The following GFRA1 variants were observed in gnomAD, a reference collection of about 807,000 sequenced individuals.
The protein encoded by GFRA1 is GDNF family receptor alpha-1.
Under a neutral mutation model 51.6 loss-of-function variants are expected in GFRA1, and 16 were observed. The observed-to-expected ratio is 0.31, with a 90% CI of 0.21 to 0.47. The LOEUF (loss-of-function observed/expected upper bound fraction) is 0.47. GFRA1 is among the 20% of genes least tolerant of loss of function. GFRA1 has a pLI of 1.00. For synonymous variants in GFRA1, 270 were observed against 241.3 expected, an observed-to-expected ratio of 1.12 and a Z score of -1.10; for missense variants, 530 against 594.3, an observed-to-expected ratio of 0.89 and a Z score of 1.13.
intron 5 of GFRA1, among the ~76,000 whole-genome samples, chr10:116,195,250 C>A (rs1963632709): frequency 6.6e-6 from 1 of 152,132 alleles, no homozygotes; most frequent in Non-Finnish European, 1.5e-5. Context: ...TTAGCACTAT[C>A]TTTTTTGTTA....
At chr10:116,064,634 C>T in intron 10 of GFRA1, 90 bp from the exon 11 acceptor site, 1 of 1,203,056 alleles carries the variant, frequency 8.3e-7, no homozygotes, top group East Asian at 2.3e-5. Flanking sequence ...CGACTCCCCA[C>T]TGGCTGACCC....
intron 5 of GFRA1, among the ~76,000 whole-genome samples, chr10:116,177,449 T>C (rs959527161): frequency 6.6e-6 from 1 of 151,736 alleles, no homozygotes; most frequent in Non-Finnish European, 1.5e-5. Context: ...GGCCTTGGGG[T>C]TAGGGGTGCT....
chr10:116,262,329 G>A (rs1008869814), intron 4 of GFRA1, among the ~76,000 whole-genome samples: 1 of 152,150 alleles, frequency 6.6e-6, no homozygotes, highest in African/African-American at 2.4e-5. Context: ...TTTGCCACAA[G>A]TGTACAGATA....
At chr10:116,195,864 C>T (rs918939645) in intron 5 of GFRA1, among the ~76,000 whole-genome samples, 1 of 152,130 alleles carries the variant, frequency 6.6e-6, no homozygotes, top group Non-Finnish European at 1.5e-5. Flanking sequence ...ACTCTGTCCC[C>T]GTTTGATTTG....
chr10:116,263,008 G>A (rs961793946), intron 4 of GFRA1, among the ~76,000 whole-genome samples: 1 of 150,716 alleles, frequency 6.6e-6, no homozygotes, highest in South Asian at 2.1e-4. Context: ...ATAAGGACAG[G>A]GGTCCAAGGG....
rs151255084 is a variant in GFRA1 at position 116,091,159 on chromosome 10, T to C, written c.1016-1237A>G. Among the ~76,000 whole-genome samples the C allele has an allele frequency of 3.3e-5, 5 of 152,320 alleles. No individual in the cohort carries two copies. In the East Asian group the frequency reaches 9.7e-4, roughly 29 times the overall value. ...CACAGTTTCTTGCAACTACCTGTGC[T>C]TTTCCCAGTGTGTTTGCCTTGCCAC... On this transcript the variant is annotated intron_variant, in intron 8 of 10. Coordinates refer to ENST00000355422, the MANE Select transcript of GFRA1 (RefSeq NM_005264.8).
At chr10:116,157,543 G>A (rs1182057705) in intron 5 of GFRA1, among the ~76,000 whole-genome samples, 2 of 152,128 alleles carry the variant, frequency 1.3e-5, no homozygotes, top group East Asian at 1.9e-4. Flanking sequence ...TCATGTTTCT[G>A]CATATGCTGT....
intron 5 of GFRA1, among the ~76,000 whole-genome samples, chr10:116,206,620 C>CTTT: frequency 1.0e-5 from 1 of 98,580 alleles, no homozygotes. Flanking sequence ...AAACCACATT[C>CTTT]TCTTTTTTTT....
At chr10:116,142,726 C>T (rs1054054313) in intron 5 of GFRA1, among the ~76,000 whole-genome samples, 2 of 152,108 alleles carry the variant, frequency 1.3e-5, no homozygotes, top group African/African-American at 4.8e-5. Context: ...AATAATGTTT[C>T]AGTATTAATA....
chr10:116,131,156 T>A (rs902386197), intron 5 of GFRA1, among the ~76,000 whole-genome samples: 1 of 152,182 alleles, frequency 6.6e-6, no homozygotes, highest in African/African-American at 2.4e-5. Context: ...CCAAGTAGCA[T>A]CTGAAATGTG....
intron 9 of GFRA1, among the ~76,000 whole-genome samples, chr10:116,071,048 C>T (rs931813217): frequency 6.6e-6 from 1 of 152,184 alleles, no homozygotes; most frequent in Admixed American, 6.5e-5. Context: ...TGTTTTTCTT[C>T]CAGAGCCTGA....
chr10:116,063,768 T>C lies in GFRA1; in HGVS notation c.*630A>G, dbSNP rs1954940288. 6.6e-6 allele frequency: 1 copy of C among 152,452 alleles called. No homozygotes were observed. The highest frequency in any genetic ancestry group is 1.5e-5 in the Non-Finnish European group (1 of 68,226). The allele number at this position is 152,452 out of a possible 1,614,324, so 9.4% of individuals were successfully genotyped here. Reference sequence around the variant, plus strand: ...CTATATTTGGATGTGACAGGTGTTTTTTCTTTTGTACAAGAGTGCAGAACT... The same window carrying C: ...CTATATTTGGATGTGACAGGTGTTTCTTCTTTTGTACAAGAGTGCAGAACT... On this transcript the variant is annotated 3_prime_UTR_variant, in exon 11 of 11. Transcript: ENST00000355422.
intron 9 of GFRA1, among the ~76,000 whole-genome samples, chr10:116,080,036 G>T (rs1026697371): frequency 6.6e-6 from 1 of 152,128 alleles, no homozygotes; most frequent in African/African-American, 2.4e-5. Flanking sequence ...TGCCTCCTGA[G>T]TCCCATAACC....
At chr10:116,243,975 A>C (rs1412940379) in intron 4 of GFRA1, among the ~76,000 whole-genome samples, 2 of 152,238 alleles carry the variant, frequency 1.3e-5, no homozygotes, top group Non-Finnish European at 2.9e-5. Context: ...TAACTTAAAA[A>C]TGGCCCAGCA....
intron 5 of GFRA1, among the ~76,000 whole-genome samples, chr10:116,166,372 G>A (rs776586793): frequency 1.1e-4 from 16 of 152,090 alleles, no homozygotes; most frequent in South Asian, 8.3e-4. Flanking sequence ...AGGAGTCACC[G>A]CACTGTCTTC....
chr10:116,113,046 G>A (rs1394883316), intron 6 of GFRA1, among the ~76,000 whole-genome samples: 2 of 152,170 alleles, frequency 1.3e-5, no homozygotes, highest in Non-Finnish European at 2.9e-5. Flanking sequence ...AGGGAACCTC[G>A]TAGGGGGTCA....
chr10:116,078,443 A>G (rs1279662521), intron 9 of GFRA1, among the ~76,000 whole-genome samples: 1 of 152,156 alleles, frequency 6.6e-6, no homozygotes, highest in African/African-American at 2.4e-5. Context: ...TGCTGGGAGA[A>G]GCAGGTTCAC....
At chr10:116,130,799 T>TA (rs2134048771) in intron 5 of GFRA1, among the ~76,000 whole-genome samples, 1 of 152,240 alleles carries the variant, frequency 6.6e-6, no homozygotes, top group South Asian at 2.1e-4. Flanking sequence ...ATCACAGACT[T>TA]AAACATAAAA....
At chr10:116,240,927 T>C (rs1967309957) in intron 4 of GFRA1, among the ~76,000 whole-genome samples, 1 of 152,206 alleles carries the variant, frequency 6.6e-6, no homozygotes, top group Non-Finnish European at 1.5e-5. Context: ...CATCCCATTT[T>C]ACAGAGAATG....
Sources: gnomAD v4.1 joint callset for allele counts (sites outside exome capture counted in the v4.1 genomes callset) on GRCh38, gnomAD v4.1.1 for gene constraint, MANE v1.5 for transcripts, NCBI Gene and HGNC (gene_info 2026-07-23, HGNC 2026-07-21) for gene names.